NELL1: variants seen among roughly 807,000 people sequenced by gnomAD.
The protein encoded by NELL1 is protein kinase C-binding protein NELL1.
A neutral mutation model predicts 107.4 loss-of-function variants in NELL1; 76 were observed. The observed-to-expected ratio is 0.71, with a 90% CI of 0.59 to 0.86. The LOEUF (loss-of-function observed/expected upper bound fraction) is 0.86. Ranked by LOEUF, NELL1 falls within the 40% of genes least tolerant of loss-of-function variation. NELL1 has a pLI of 0.00. For missense variants in NELL1, 1,024 were observed against 1,005.5 expected (o/e 1.02, Z -0.25); for synonymous variants, 353 against 341.2 (o/e 1.03, Z -0.38).
chr11:21,030,074 T>C (rs916706502), intron 12 of NELL1, among the ~76,000 whole-genome samples: 1 of 152,140 alleles, frequency 6.6e-6, no homozygotes, highest in Non-Finnish European at 1.5e-5. Flanking sequence ...CTGCACAAGT[T>C]TGGGAAAGTG....
chr11:21,395,220 G>A (rs990836439), intron 15 of NELL1, among the ~76,000 whole-genome samples: 2 of 151,478 alleles, frequency 1.3e-5, no homozygotes, highest in African/African-American at 4.8e-5. Context: ...GCTGCCTGGG[G>A]TGACTGACAG....
intron 13 of NELL1, among the ~76,000 whole-genome samples, chr11:21,168,117 A>G (rs1380473147): frequency 1.3e-5 from 2 of 151,768 alleles, no homozygotes; most frequent in Non-Finnish European, 2.9e-5. Flanking sequence ...CTAGAACACA[A>G]TTGGTGTTTA....
chr11:21,481,261 T>C (rs1192706835), intron 15 of NELL1, among the ~76,000 whole-genome samples: 1 of 152,204 alleles, frequency 6.6e-6, no homozygotes, highest in East Asian at 1.9e-4. Context: ...GACAGCTTCA[T>C]AAAGGGCTCA....
intron 10 of NELL1, 123 bp downstream of exon 10, chr11:20,937,982 C>G: frequency 5.8e-6 from 5 of 858,656 alleles, no homozygotes; most frequent in Non-Finnish European, 9.5e-6. Flanking sequence ...GTGGAACTCT[C>G]TGCGGTGGGT....
At chr11:21,259,736 T>C (rs1162613412) in intron 14 of NELL1, among the ~76,000 whole-genome samples, 2 of 150,802 alleles carry the variant, frequency 1.3e-5, no homozygotes, top group Non-Finnish European at 2.9e-5. Flanking sequence ...ATAGACCTTT[T>C]TCTTTTTTAT....
chr11:21,135,670 G>C (rs1347380516), intron 13 of NELL1, among the ~76,000 whole-genome samples: 1 of 152,074 alleles, frequency 6.6e-6, no homozygotes, highest in African/African-American at 2.4e-5. Context: ...AATATAAAAT[G>C]CTTAATGGAA....
At chr11:20,819,595 G>C (rs1857704683) in intron 3 of NELL1, among the ~76,000 whole-genome samples, 1 of 152,160 alleles carries the variant, frequency 6.6e-6, no homozygotes, top group Non-Finnish European at 1.5e-5. Flanking sequence ...TTGTCTAAAA[G>C]TTTCAGATGA....
intron 12 of NELL1, among the ~76,000 whole-genome samples, chr11:21,056,415 T>G (rs921630291): frequency 1.7e-4 from 26 of 152,128 alleles, no homozygotes; most frequent in African/African-American, 5.6e-4. Context: ...TGAGGAGGTT[T>G]GGGTCCCTGT....
chr11:20,885,884 G>A (rs765054983), intron 5 of NELL1, among the ~76,000 whole-genome samples: 20 of 152,196 alleles, frequency 1.3e-4, no homozygotes, highest in Admixed American at 1.2e-3. Flanking sequence ...AAGGATTTAC[G>A]ATAATCTTCA....
intron 14 of NELL1, among the ~76,000 whole-genome samples, chr11:21,309,106 CT>C (rs1354445682): frequency 6.0e-5 from 9 of 150,820 alleles, no homozygotes; most frequent in Non-Finnish European, 1.0e-4. Context: ...GGTATTGTCC[CT>C]ATTTTATTAA....
At chr11:20,916,857 G>GT (rs1478452173) in intron 5 of NELL1, among the ~76,000 whole-genome samples, 1 of 151,858 alleles carries the variant, frequency 6.6e-6, no homozygotes, top group African/African-American at 2.4e-5. Flanking sequence ...GGATCTTTAG[G>GT]TTTTTCATCT....
chr11:20,693,385 T>C (rs1854523537), intron 2 of NELL1, among the ~76,000 whole-genome samples: 1 of 152,194 alleles, frequency 6.6e-6, no homozygotes, highest in African/African-American at 2.4e-5. Flanking sequence ...CTAGTCTCGA[T>C]GGTCTTTACA....
intron 13 of NELL1, among the ~76,000 whole-genome samples, chr11:21,206,572 T>C (rs749723693): frequency 2.0e-5 from 3 of 152,164 alleles, no homozygotes; most frequent in Non-Finnish European, 4.4e-5. Flanking sequence ...CAGAGTTCTG[T>C]GTTTCTCTTT....
At chr11:20,922,927 G>A (rs1476620871) in intron 7 of NELL1, among the ~76,000 whole-genome samples, 1 of 152,108 alleles carries the variant, frequency 6.6e-6, no homozygotes, top group Non-Finnish European at 1.5e-5. Flanking sequence ...CATTCAATAG[G>A]TGGTGGCTGC....
chr11:21,383,332 C>T (rs1851656549), intron 15 of NELL1, among the ~76,000 whole-genome samples: 1 of 151,832 alleles, frequency 6.6e-6, no homozygotes, highest in Non-Finnish European at 1.5e-5. Context: ...TTGAAGTTAT[C>T]TATGGGTGGC....
chr11:20,869,189 G>T (rs1396926648), intron 4 of NELL1, among the ~76,000 whole-genome samples: 1 of 152,176 alleles, frequency 6.6e-6, no homozygotes, highest in Non-Finnish European at 1.5e-5. Context: ...TGTTTCTTGA[G>T]TGTGTTAGTA....
chr11:21,470,132 G>A (rs1359858867), intron 15 of NELL1, among the ~76,000 whole-genome samples: 1 of 151,976 alleles, frequency 6.6e-6, no homozygotes, highest in Non-Finnish European at 1.5e-5. Flanking sequence ...ACGAGGTGTA[G>A]GTATTCTCAA....
intron 11 of NELL1, among the ~76,000 whole-genome samples, chr11:20,958,776 A>G (rs1484702844): frequency 6.6e-6 from 1 of 152,180 alleles, no homozygotes; most frequent in Non-Finnish European, 1.5e-5. Flanking sequence ...AATGTTGAAC[A>G]TGTGGCTAGA....
chr11:21,257,507 T>C (rs1042420602), intron 14 of NELL1, among the ~76,000 whole-genome samples: 4 of 151,880 alleles, frequency 2.6e-5, no homozygotes, highest in African/African-American at 7.3e-5. Flanking sequence ...TGAAGTTTGG[T>C]GATACAATAA....
Sources: gnomAD v4.1 joint callset for allele counts (sites outside exome capture counted in the v4.1 genomes callset) on GRCh38, gnomAD v4.1.1 for gene constraint, MANE v1.5 for transcripts, NCBI Gene and HGNC (gene_info 2026-07-23, HGNC 2026-07-21) for gene names.